Variants in PDPR observed in about 807,000 individuals in gnomAD.
PDPR encodes pyruvate dehydrogenase phosphatase regulatory subunit.
A neutral mutation model predicts 102.2 loss-of-function variants in PDPR; 50 were observed. That is an observed-to-expected ratio of 0.49 (90% confidence interval 0.39 to 0.62). The LOEUF (loss-of-function observed/expected upper bound fraction) is 0.62, where lower values mean the gene tolerates loss of function less well. Among genes scored for constraint, PDPR ranks in the 20% least tolerant of loss-of-function variants. The pLI, the probability that PDPR is intolerant of heterozygous loss-of-function variation, is 0.00. For synonymous variants in PDPR, 259 were observed against 406.0 expected (o/e 0.64, Z 4.35); for missense variants, 625 against 1,098.2 (o/e 0.57, Z 6.09).
At position 70,154,413 on chromosome 16, in the gene PDPR, G is replaced by A. The variant is rs1255983863; in HGVS notation, c.2235+840G>A. 2.0e-5 allele frequency among the ~76,000 whole-genome samples: 3 copies of A among 152,282 alleles called. No homozygotes were observed. The South Asian group carries it at 6.2e-4, about 31-fold the overall frequency. On this transcript the variant is annotated intron_variant, in intron 18 of 18. Coordinates refer to ENST00000288050, the MANE Select transcript of PDPR (RefSeq NM_017990.5). ...AATCCTAGCACTTTGGGAGGCCAAG[G>A]CAGGAGGATCACTTGAGCTCAGCCT...
In PDPR at chr16:70,159,249, A is replaced by G. The variant is rs1597393491; in HGVS notation, c.*2370A>G. ...CAGGAAATCTGATGCTGTGTCCAAA[A>G]TTATGCACTGTTTGTTGAAGTAGAA... is the stretch of plus-strand genomic sequence containing the variant. On this transcript the variant is annotated 3_prime_UTR_variant, in exon 19 of 19. Transcript: ENST00000288050. The G allele has an allele frequency of 6.6e-6, 1 of 152,394 alleles. No individual in the cohort carries two copies. The highest frequency in any genetic ancestry group is 1.5e-5 in the Non-Finnish European group (1 of 68,098). 9.4% of individuals were successfully genotyped at this position (152,394 alleles called of 1,614,324 possible). A position where few individuals can be genotyped will look rare whatever the true frequency, so the allele number is the denominator to read the frequency against.
At position 70,157,286 on chromosome 16, in the gene PDPR, C is replaced by A; in HGVS notation, c.*407C>A. On this transcript the variant is annotated 3_prime_UTR_variant, in exon 19 of 19. Coordinates refer to ENST00000288050, the MANE Select transcript of PDPR (RefSeq NM_017990.5). ...GTCCCTCTCCCTTGGGTTCCATTTT[C>A]TTGGAGCAGCCTATTAGTTCTGGTG... 1 of 452,526 alleles carries A rather than the reference C, an allele frequency of 2.2e-6. No individual in the cohort carries two copies. The highest frequency in any genetic ancestry group is 4.3e-6 in the Non-Finnish European group (1 of 229,956). 28.0% of individuals were successfully genotyped at this position (452,526 alleles called of 1,614,324 possible).
At chr16:70,114,776 C>T (rs1962471297) in intron 1 of PDPR, 45 bp from the exon 2 acceptor site, 1 of 152,306 alleles carries the variant, frequency 6.6e-6, no homozygotes, top group South Asian at 2.1e-4. Flanking sequence ...CCCTGCGGCG[C>T]AGAGCCAACT....
chr16:70,116,804 A>G (rs999896052), intron 2 of PDPR, among the ~76,000 whole-genome samples: 1 of 152,046 alleles, frequency 6.6e-6, no homozygotes, highest in Non-Finnish European at 1.5e-5. Flanking sequence ...GGCCTCCCAA[A>G]GTGCTGAGAT....
rs1386832539 is a variant in PDPR at position 70,158,634 on chromosome 16, C to G, written c.*1755C>G. 6.6e-6 allele frequency: 1 copy of G among 152,626 alleles called. No homozygotes were observed. 9.5% of individuals were successfully genotyped at this position (152,626 alleles called of 1,614,324 possible). A position where few individuals can be genotyped will look rare whatever the true frequency, so the allele number is the denominator to read the frequency against. On this transcript the variant is annotated 3_prime_UTR_variant, in exon 19 of 19. Transcript: ENST00000288050. Reference sequence around the variant, plus strand: ...GAATTCTGTTTGGGGGTCTAGTTGTCTTGGAGCAAGTATGTACTTAACTAG... The same window carrying G: ...GAATTCTGTTTGGGGGTCTAGTTGTGTTGGAGCAAGTATGTACTTAACTAG...
At chr16:70,120,347 G>C (rs1963111268) in intron 2 of PDPR, 114 bp from the exon 3 acceptor site, 1 of 664,468 alleles carries the variant, frequency 1.5e-6, no homozygotes, top group Non-Finnish European at 2.7e-6. Flanking sequence ...ACCATGCCCA[G>C]CCACCCTCAA....
At chr16:70,129,955 A>G (rs1445274622) in intron 6 of PDPR, among the ~76,000 whole-genome samples, 1 of 152,254 alleles carries the variant, frequency 6.6e-6, no homozygotes, top group East Asian at 1.9e-4. Flanking sequence ...AGGCCCATTT[A>G]CATAGTCTCA....
chr16:70,154,036 G>A (rs552087735), intron 18 of PDPR, among the ~76,000 whole-genome samples: 7 of 152,360 alleles, frequency 4.6e-5, no homozygotes, highest in East Asian at 1.9e-4. Context: ...AAAATTAGCC[G>A]GGTGTGGTTG....
chr16:70,134,873 G>C (rs1377124922), intron 9 of PDPR, among the ~76,000 whole-genome samples: 1 of 152,146 alleles, frequency 6.6e-6, no homozygotes, highest in South Asian at 2.1e-4. Context: ...ATTTCCCTCT[G>C]ACCCTTGATG....
At chr16:70,155,335 G>A (rs1426089711) in intron 18 of PDPR, among the ~76,000 whole-genome samples, 5 of 152,314 alleles carry the variant, frequency 3.3e-5, no homozygotes, top group Admixed American at 6.5e-5. Flanking sequence ...AGGCTGGAGT[G>A]CAGTGGCGCG....
At chr16:70,151,310 C>T (rs1160943115) in intron 17 of PDPR, among the ~76,000 whole-genome samples, 2 of 152,264 alleles carry the variant, frequency 1.3e-5, no homozygotes, top group African/African-American at 2.4e-5. Context: ...CTCAAATGAT[C>T]CTCTCATCTC....
Position 70,159,021 on chromosome 16 carries a change from G to A in PDPR, c.*2142G>A, listed in dbSNP as rs1287364857. On this transcript the variant is annotated 3_prime_UTR_variant, in exon 19 of 19. Coordinates refer to ENST00000288050, the MANE Select transcript of PDPR (RefSeq NM_017990.5). ...ACATAGCAGTATCACCACTTACCAG[G>A]ATCCAAATCGAAATAATAAAAGCTG... 1.3e-5 allele frequency: 2 copies of A among 152,346 alleles called. No individual in the cohort carries two copies. Among genetic ancestry groups the A allele is most frequent in the African/African-American group, 4.8e-5 (2 of 41,468 alleles). The allele number at this position is 152,346 out of a possible 1,614,324, so 9.4% of individuals were successfully genotyped here.
intron 9 of PDPR, among the ~76,000 whole-genome samples, chr16:70,132,590 C>A (rs1181673794): frequency 1.3e-5 from 2 of 151,850 alleles, no homozygotes; most frequent in Non-Finnish European, 2.9e-5. Flanking sequence ...CGTGCTCAGA[C>A]TGGAGTGCAG....
rs59034887 is a variant in PDPR, at chr16:70,136,319, G to T, written c.1123G>T (p.Val375Leu). ...MRCIMGESPA[V>L]QGYFVLAGMN... ...GTGCATCATGGGCGAGTCTCCTGCA[G>T]TGCAGGGCTACTTTGTCCTGGCAGG... Residue 375 changes from valine to leucine, a missense_variant, in exon 10 of 19, where the codon GTG becomes TTG. Physicochemically the swap from Val to Leu is conservative, Grantham distance 32. Transcript: ENST00000288050. 0.13 allele frequency: 194,387 copies of T among 1,502,518 alleles called. 1 individual carries two copies. The highest frequency in any genetic ancestry group is 0.16 in the African/African-American group (11,178 of 71,548). The allele number at this position is 1,502,518 out of a possible 1,614,324, so 93.1% of individuals were successfully genotyped here.
chr16:70,116,794 G>A (rs866457520), intron 2 of PDPR, among the ~76,000 whole-genome samples: 14 of 152,116 alleles, frequency 9.2e-5, no homozygotes, highest in East Asian at 1.9e-4. Flanking sequence ...TACCCGCCTC[G>A]GCCTCCCAAA....
chr16:70,150,016 T>G lies in PDPR; in HGVS notation c.2052+1463T>G, dbSNP rs1966587192. Among the ~76,000 whole-genome samples, 3 of 152,038 alleles carry G rather than the reference T, an allele frequency of 2.0e-5. No individual in the cohort carries two copies. The South Asian group carries it at 6.2e-4, about 32-fold the overall frequency. On this transcript the variant is annotated intron_variant, in intron 17 of 18. Coordinates refer to ENST00000288050, the MANE Select transcript of PDPR (RefSeq NM_017990.5). ...CGGGTTAACCAGAATGGTCTCGATC[T>G]CCTACCTCGTGATCTGCCAGCCTTG...
At chr16:70,146,251 T>C (rs779716921) in intron 16 of PDPR, 23 bp downstream of exon 16, 1 of 1,613,654 alleles carries the variant, frequency 6.2e-7, no homozygotes, top group Admixed American at 1.7e-5. Flanking sequence ...AAAGTTCTGT[T>C]TCTTAAATGG....
At chr16:70,156,292 T>G (rs1967178389) in intron 18 of PDPR, 183 bp from the exon 19 acceptor site, 1 of 708,064 alleles carries the variant, frequency 1.4e-6, no homozygotes, top group Non-Finnish European at 2.3e-6. Flanking sequence ...CGGCGTCTTT[T>G]ATATTTCACA....
In PDPR at chr16:70,156,558, CGACCATGATTCA is replaced by C; in HGVS notation, c.2324_2335del (p.His775_Asp778del). ...AACGCCTCACCATGTTCATCCTGGACGACCATGATTCAGACCTAGACCTTTGGCCTTGGTGGG... is the reference window on the plus strand; with the variant it reads ...AACGCCTCACCATGTTCATCCTGGACGACCTAGACCTTTGGCCTTGGTGGG... On this transcript the variant is annotated inframe_deletion, in exon 19 of 19. Transcript: ENST00000288050. 6.2e-7 allele frequency: 1 copy of C among 1,614,040 alleles called. No homozygotes were observed. The highest frequency in any genetic ancestry group is 8.5e-7 in the Non-Finnish European group (1 of 1,179,872).
Sources: allele counts gnomAD v4.1 joint callset (sites outside exome capture counted in the v4.1 genomes callset), GRCh38; gene constraint gnomAD v4.1.1; transcripts MANE v1.5; gene names NCBI Gene and HGNC (gene_info 2026-07-23, HGNC 2026-07-21).